Variants in MBD5 observed in about 807,000 individuals in gnomAD.
MBD5 encodes methyl-CpG-binding domain protein 5.
A neutral mutation model predicts 117.3 loss-of-function variants in MBD5; 13 were observed. That is an observed-to-expected ratio of 0.11 (90% confidence interval 0.07 to 0.18). MBD5 has a LOEUF of 0.18. Among genes scored for constraint, MBD5 ranks in the 10% least tolerant of loss-of-function variants. The pLI is 1.00. For missense variants in MBD5, 1,879 were observed against 2,093.8 expected (o/e 0.90, Z 2.00); for synonymous variants, 727 against 766.4 (o/e 0.95, Z 0.85).
intron 2 of MBD5, among the ~76,000 whole-genome samples, chr2:148,203,655 T>C (rs1222725935): frequency 1.3e-5 from 2 of 152,198 alleles, no homozygotes; most frequent in Non-Finnish European, 1.5e-5. Flanking sequence ...TAATCTCCGC[T>C]GCAACAGAAA....
At chr2:148,101,581 C>T (rs1294272811) in intron 1 of MBD5, among the ~76,000 whole-genome samples, 1 of 152,094 alleles carries the variant, frequency 6.6e-6, no homozygotes, top group Non-Finnish European at 1.5e-5. Flanking sequence ...AAATGGACTT[C>T]AATGAACATT....
At chr2:148,112,877 T>A (rs1364647848) in intron 1 of MBD5, among the ~76,000 whole-genome samples, 1 of 152,124 alleles carries the variant, frequency 6.6e-6, no homozygotes, top group East Asian at 1.9e-4. Flanking sequence ...CCAGGCATGG[T>A]GGCTCATGCC....
chr2:148,064,117 C>G (rs1367125100), intron 1 of MBD5, among the ~76,000 whole-genome samples: 1 of 141,252 alleles, frequency 7.1e-6, no homozygotes, highest in Admixed American at 7.2e-5. Context: ...TTCCCACCAG[C>G]TGTCTTTTTT....
intron 4 of MBD5, among the ~76,000 whole-genome samples, chr2:148,362,522 A>G (rs1158542773): frequency 9.9e-5 from 15 of 152,164 alleles, no homozygotes; most frequent in Non-Finnish European, 4.4e-5. Flanking sequence ...TCTCCCTGGG[A>G]CAGAGCACCA....
intron 3 of MBD5, among the ~76,000 whole-genome samples, chr2:148,313,952 G>T (rs981963413): frequency 6.6e-6 from 1 of 151,830 alleles, no homozygotes; most frequent in Non-Finnish European, 1.5e-5. Flanking sequence ...GCTTCTGCTT[G>T]CCCTCCATGG....
chr2:148,334,630 G>A (rs1288686227), intron 3 of MBD5, among the ~76,000 whole-genome samples: 2 of 152,004 alleles, frequency 1.3e-5, no homozygotes, highest in Admixed American at 1.3e-4. Flanking sequence ...ATTGTGCCCA[G>A]CCTTGTTTTT....
intron 1 of MBD5, among the ~76,000 whole-genome samples, chr2:148,166,120 C>T (rs1340463301): frequency 1.3e-5 from 2 of 151,990 alleles, no homozygotes; most frequent in South Asian, 2.1e-4. Context: ...ATCTAATAAA[C>T]AAGAATGACT....
intron 1 of MBD5, among the ~76,000 whole-genome samples, chr2:148,173,633 T>A (rs1698316417): frequency 6.6e-6 from 1 of 152,166 alleles, no homozygotes; most frequent in Non-Finnish European, 1.5e-5. Flanking sequence ...ATGGGAGATT[T>A]GCTTGTGCCC....
intron 4 of MBD5, among the ~76,000 whole-genome samples, chr2:148,349,354 C>T (rs1258083432): frequency 6.6e-6 from 1 of 151,676 alleles, no homozygotes; most frequent in Non-Finnish European, 1.5e-5. Flanking sequence ...TACAGTAAGC[C>T]CTATTTAAAG....
intron 1 of MBD5, among the ~76,000 whole-genome samples, chr2:148,042,939 A>G (rs945253476): frequency 2.0e-5 from 3 of 152,118 alleles, no homozygotes; most frequent in Non-Finnish European, 4.4e-5. Flanking sequence ...GCTCCCTTTG[A>G]AAATCTGATG....
intron 1 of MBD5, among the ~76,000 whole-genome samples, chr2:148,069,362 A>T (rs1482385351): frequency 6.6e-6 from 1 of 152,140 alleles, no homozygotes; most frequent in Non-Finnish European, 1.5e-5. Flanking sequence ...TTGTTTTAAA[A>T]TACAGAATAG....
chr2:148,244,984 T>C (rs961057162), intron 3 of MBD5, among the ~76,000 whole-genome samples: 1 of 152,198 alleles, frequency 6.6e-6, no homozygotes, highest in East Asian at 1.9e-4. Flanking sequence ...AAACAAAAGA[T>C]AAATTTTAGA....
At chr2:148,496,819 T>A (rs1681717067) in intron 11 of MBD5, among the ~76,000 whole-genome samples, 1 of 152,124 alleles carries the variant, frequency 6.6e-6, no homozygotes, top group Non-Finnish European at 1.5e-5. Context: ...ATAAAGAGAA[T>A]TTGGTTAGTT....
intron 4 of MBD5, among the ~76,000 whole-genome samples, chr2:148,387,181 A>G (rs1374212912): frequency 6.6e-6 from 1 of 152,220 alleles, no homozygotes; most frequent in African/African-American, 2.4e-5. Context: ...CCGACTGAGT[A>G]TAATAATGTA....
At chr2:148,318,893 T>G (rs1702220289) in intron 3 of MBD5, among the ~76,000 whole-genome samples, 1 of 152,128 alleles carries the variant, frequency 6.6e-6, no homozygotes, top group African/African-American at 2.4e-5. Context: ...TTCTTTTATT[T>G]GTAGTAGAGA....
chr2:148,382,753 G>A (rs903870026), intron 4 of MBD5, among the ~76,000 whole-genome samples: 4 of 152,146 alleles, frequency 2.6e-5, no homozygotes, highest in Non-Finnish European at 5.9e-5. Flanking sequence ...ATAACAAACT[G>A]TCTCTCAAAC....
chr2:148,035,277 T>C (rs1209512540), intron 1 of MBD5, among the ~76,000 whole-genome samples: 1 of 152,166 alleles, frequency 6.6e-6, no homozygotes, highest in Non-Finnish European at 1.5e-5. Flanking sequence ...CAGGGTGCAC[T>C]ATTAGTAATA....
chr2:148,033,267 C>A (rs1573932867), intron 1 of MBD5, among the ~76,000 whole-genome samples: 2 of 152,028 alleles, frequency 1.3e-5, no homozygotes, highest in African/African-American at 4.8e-5. Context: ...AATACAGATG[C>A]CAACTTTATT....
chr2:148,074,507 G>GTTTTTTTTTTTTT (rs11443189), intron 1 of MBD5, among the ~76,000 whole-genome samples: 8 of 113,768 alleles, frequency 7.0e-5, no homozygotes, highest in African/African-American at 1.7e-4. Flanking sequence ...TTTTTTTTTT[G>GTTTTTTTTTTTTT]TTTTTTTTTT....
Sources: allele counts gnomAD v4.1 joint callset (sites outside exome capture counted in the v4.1 genomes callset), GRCh38; gene constraint gnomAD v4.1.1; transcripts MANE v1.5; gene names NCBI Gene and HGNC (gene_info 2026-07-23, HGNC 2026-07-21).